The following CDH13 variants were observed in gnomAD, a reference collection of about 807,000 sequenced individuals.
CDH13 encodes cadherin 13, also known as cadherin-13.
CDH13 carries 24 observed loss-of-function variants against 63.8 expected under a neutral mutation model. The observed-to-expected ratio is 0.38, with a 90% CI of 0.27 to 0.53. CDH13 has a LOEUF of 0.53. Ranked by LOEUF, CDH13 falls within the 20% of genes least tolerant of loss-of-function variation. The probability of loss-of-function intolerance (pLI) is 0.85; values close to 1 mark genes in which losing one functional copy is unlikely to be tolerated. For missense variants in CDH13, 1,049 were observed against 903.1 expected (o/e 1.16, Z -2.07); for synonymous variants, 503 against 355.3 (o/e 1.42, Z -4.67).
intron 11 of CDH13, among the ~76,000 whole-genome samples, chr16:83,756,442 A>G (rs562106327): frequency 4.6e-5 from 7 of 152,372 alleles, no homozygotes; most frequent in African/African-American, 1.7e-4. Flanking sequence ...GTATTTTTTA[A>G]AACAAGCTTG....
intron 3 of CDH13, among the ~76,000 whole-genome samples, chr16:83,037,524 A>G (rs1249369882): frequency 6.6e-6 from 1 of 152,214 alleles, no homozygotes; most frequent in Non-Finnish European, 1.5e-5. Context: ...AGGATCCCGT[A>G]TCTGGATGAT....
At chr16:83,500,932 T>C (rs1169078193) in intron 7 of CDH13, among the ~76,000 whole-genome samples, 1 of 152,022 alleles carries the variant, frequency 6.6e-6, no homozygotes, top group Non-Finnish European at 1.5e-5. Context: ...ACAGAGGGAG[T>C]TGTGCCAGGA....
chr16:82,684,603 T>G (rs141739233), intron 1 of CDH13, among the ~76,000 whole-genome samples: 19 of 152,128 alleles, frequency 1.2e-4, no homozygotes, highest in African/African-American at 4.3e-4. Context: ...GAGGACTGTT[T>G]CCAAAATATT....
intron 6 of CDH13, among the ~76,000 whole-genome samples, chr16:83,420,515 A>G (rs986119755): frequency 3.9e-5 from 6 of 152,256 alleles, no homozygotes; most frequent in Admixed American, 2.6e-4. Context: ...TTGCACAAGC[A>G]TTCTCATGTG....
At chr16:83,696,961 C>G (rs972123578) in intron 10 of CDH13, among the ~76,000 whole-genome samples, 10 of 152,196 alleles carry the variant, frequency 6.6e-5, no homozygotes, top group African/African-American at 2.4e-4. Context: ...GGCCTCGGTG[C>G]TGAGCTTCCT....
chr16:83,483,009 G>C (rs898560338), intron 6 of CDH13, among the ~76,000 whole-genome samples: 1 of 152,146 alleles, frequency 6.6e-6, no homozygotes, highest in African/African-American at 2.4e-5. Context: ...ACTAGGCACT[G>C]TACCAAGTTC....
chr16:83,352,809 G>T (rs1376085059), intron 6 of CDH13, among the ~76,000 whole-genome samples: 1 of 152,222 alleles, frequency 6.6e-6, no homozygotes, highest in Non-Finnish European at 1.5e-5. Context: ...AGAATGGCAT[G>T]AACCCGGGAG....
intron 7 of CDH13, among the ~76,000 whole-genome samples, chr16:83,513,751 T>G (rs1051822022): frequency 6.6e-6 from 1 of 152,092 alleles, no homozygotes; most frequent in African/African-American, 2.4e-5. Flanking sequence ...ACATGGGGAT[T>G]ATGGGAACTA....
At chr16:83,284,909 G>GTTCTCTTTATTACAGCTCAA (rs2089270518) in intron 5 of CDH13, among the ~76,000 whole-genome samples, 1 of 152,002 alleles carries the variant, frequency 6.6e-6, no homozygotes, top group East Asian at 1.9e-4. Context: ...GAACAAACTG[G>GTTCTCTTTATTACAGCTCAA]ATAGGTTCTC....
At chr16:82,687,172 C>CT in intron 1 of CDH13, among the ~76,000 whole-genome samples, 1 of 152,104 alleles carries the variant, frequency 6.6e-6, no homozygotes, top group Non-Finnish European at 1.5e-5. Context: ...CTCATGGTAG[C>CT]TTTGAAGCTG....
intron 2 of CDH13, among the ~76,000 whole-genome samples, chr16:82,981,364 A>C (rs530330567): frequency 4.1e-4 from 63 of 152,144 alleles, no homozygotes; most frequent in African/African-American, 1.5e-3. Context: ...CCGTCTCACC[A>C]TGAATCTCCA....
intron 8 of CDH13, among the ~76,000 whole-genome samples, chr16:83,631,754 C>G (rs536809605): frequency 6.6e-6 from 1 of 152,200 alleles, no homozygotes; most frequent in Non-Finnish European, 1.5e-5. Context: ...AGCAGTCTGT[C>G]TGCCTGTGTT....
chr16:82,804,448 G>C (rs1306258558), intron 1 of CDH13, among the ~76,000 whole-genome samples: 3 of 152,100 alleles, frequency 2.0e-5, no homozygotes, highest in Non-Finnish European at 4.4e-5. Context: ...TTTAACATGT[G>C]CAGTTTTATT....
chr16:83,519,480 C>A (rs1293354063), intron 7 of CDH13, among the ~76,000 whole-genome samples: 1 of 152,140 alleles, frequency 6.6e-6, no homozygotes, highest in Non-Finnish European at 1.5e-5. Context: ...TTCTACATTC[C>A]TTATTTGAGG....
At chr16:83,062,534 G>A (rs748621162) in intron 3 of CDH13, among the ~76,000 whole-genome samples, 1 of 152,136 alleles carries the variant, frequency 6.6e-6, no homozygotes, top group African/African-American at 2.4e-5. Context: ...GAGATACAGA[G>A]TGACAGAGGA....
At chr16:82,717,471 C>T (rs551058145) in intron 1 of CDH13, among the ~76,000 whole-genome samples, 1 of 150,016 alleles carries the variant, frequency 6.7e-6, no homozygotes, top group Admixed American at 6.6e-5. Context: ...CCCCACTCAT[C>T]CACACTTACT....
At chr16:82,873,919 C>T (rs2040422688) in intron 2 of CDH13, among the ~76,000 whole-genome samples, 1 of 152,094 alleles carries the variant, frequency 6.6e-6, no homozygotes, top group African/African-American at 2.4e-5. Flanking sequence ...TCTCCCCCAC[C>T]CCTGACCACT....
At chr16:83,173,499 C>G (rs960099460) in intron 4 of CDH13, among the ~76,000 whole-genome samples, 2 of 152,090 alleles carry the variant, frequency 1.3e-5, no homozygotes, top group East Asian at 1.9e-4. Context: ...CTTGAATAGA[C>G]TTGCCAGACA....
At chr16:83,735,034 G>A (rs961056717) in intron 10 of CDH13, among the ~76,000 whole-genome samples, 1 of 151,808 alleles carries the variant, frequency 6.6e-6, no homozygotes, top group Non-Finnish European at 1.5e-5. Flanking sequence ...AGTTCTGTGG[G>A]ACAATTTGAT....
Sources: allele counts gnomAD v4.1 joint callset (sites outside exome capture counted in the v4.1 genomes callset), GRCh38; gene constraint gnomAD v4.1.1; transcripts MANE v1.5; gene names NCBI Gene and HGNC (gene_info 2026-07-23, HGNC 2026-07-21).